Variants in SENP5 observed in about 807,000 individuals in gnomAD.
SENP5 encodes the protein sentrin-specific protease 5.
In SENP5, 21 loss-of-function variants were observed where a neutral mutation model predicts 74.2. The ratio of observed to expected loss-of-function variants is 0.28; its 90% CI spans 0.20 to 0.41. The LOEUF (loss-of-function observed/expected upper bound fraction) is 0.41, where lower values mean the gene tolerates loss of function less well. Ranked by LOEUF, SENP5 falls within the 10% of genes least tolerant of loss-of-function variation. SENP5 has a pLI of 1.00. For synonymous variants in SENP5, 311 were observed against 312.7 expected (o/e 0.99, Z 0.06); for missense variants, 717 against 889.1 (o/e 0.81, Z 2.46).
Position 196,886,348 on chromosome 3 carries a change from A to G in SENP5, c.1167A>G (p.Glu389=), listed in dbSNP as rs769119354. ...EHRSNTMFIS[E]TEREIMTLGQ... ...GTTCTAATACCATGTTCATTTCAGA[A>G]ACTGAAAGAGAAATTATGACTCTGG... is the stretch of plus-strand genomic sequence containing the variant. Residue 389 remains glutamate (E), a synonymous_variant, in exon 2 of 10, where the codon GAA becomes GAG. Coordinates refer to ENST00000323460, the MANE Select transcript of SENP5 (RefSeq NM_152699.5). 7 of 1,613,560 alleles carry G rather than the reference A, an allele frequency of 4.3e-6. No homozygotes were observed. In the South Asian group the frequency reaches 5.5e-5, roughly 13 times the overall value.
intron 2 of SENP5, among the ~76,000 whole-genome samples, chr3:196,890,687 C>G (rs1560145851): frequency 6.6e-6 from 1 of 152,170 alleles, no homozygotes. Context: ...AAGTTCTAAC[C>G]TCTATGTCAT....
intron 1 of SENP5, among the ~76,000 whole-genome samples, chr3:196,879,478 A>G (rs181632303): frequency 2.6e-5 from 4 of 152,268 alleles, no homozygotes; most frequent in Admixed American, 2.6e-4. Flanking sequence ...CACTTTAGAA[A>G]TTCTATCAGG....
Position 196,885,080 on chromosome 3 carries a change from T to G in SENP5, c.-31-71T>G, listed in dbSNP as rs190289168. ...TCTTTTTTTTTCTCAATTTTCTGCC[T>G]TAGTTACTGTGAATATGTCTTCATG... On this transcript the variant is annotated intron_variant, in intron 1 of 9. Transcript: ENST00000323460. 2.9e-5 allele frequency: 25 copies of G among 847,826 alleles called. No individual in the cohort carries two copies. The East Asian group carries it at 4.7e-4, about 16-fold the overall frequency. The allele number at this position is 847,826 out of a possible 1,614,324, so 52.5% of individuals were successfully genotyped here. A position where few individuals can be genotyped will look rare whatever the true frequency, so the allele number is the denominator to read the frequency against.
At chr3:196,871,085 G>A (rs1014987777) in intron 1 of SENP5, among the ~76,000 whole-genome samples, 1 of 151,802 alleles carries the variant, frequency 6.6e-6, no homozygotes, top group East Asian at 2.0e-4. Context: ...CAGGAGAATC[G>A]TTTGAACCCA....
In SENP5 at chr3:196,928,856, A is replaced by G. The variant is rs536547656; in HGVS notation, c.2107-777A>G. Among the ~76,000 whole-genome samples the G allele has an allele frequency of 5.9e-5, 9 of 152,340 alleles. No individual in the cohort carries two copies. The South Asian group carries it at 1.9e-3, about 32-fold the overall frequency. ...TCTAAATTTAGTCAGGATCTTCTGTATTACCGCTTTGAGCAGAATACAGTA... is the reference window on the plus strand; with the variant it reads ...TCTAAATTTAGTCAGGATCTTCTGTGTTACCGCTTTGAGCAGAATACAGTA... On this transcript the variant is annotated intron_variant, in intron 8 of 9. Coordinates refer to ENST00000323460, the MANE Select transcript of SENP5 (RefSeq NM_152699.5).
chr3:196,917,195 A>C (rs1715415506), intron 6 of SENP5, among the ~76,000 whole-genome samples: 3 of 151,982 alleles, frequency 2.0e-5, no homozygotes, highest in African/African-American at 7.2e-5. Context: ...TTCAGTTGAC[A>C]AACTAGAAAA....
intron 6 of SENP5, chr3:196,914,273 TTAAACTTAA>T (rs1715259312): frequency 6.6e-6 from 1 of 152,042 alleles, no homozygotes; most frequent in African/African-American, 2.4e-5. Context: ...TGTGTTTCAA[TTAAACTTAA>T]TAAAAACTGG....
intron 2 of SENP5, among the ~76,000 whole-genome samples, chr3:196,889,302 A>G (rs1299355640): frequency 2.6e-5 from 4 of 152,166 alleles, no homozygotes; most frequent in Non-Finnish European, 4.4e-5. Flanking sequence ...GAAAAGAATT[A>G]GCATTTACCC....
chr3:196,892,507 A>T (rs760488171), intron 2 of SENP5, among the ~76,000 whole-genome samples: 4 of 152,134 alleles, frequency 2.6e-5, no homozygotes, highest in African/African-American at 4.8e-5. Flanking sequence ...TGATGTTTTG[A>T]TATATGTTTA....
chr3:196,880,805 T>C (rs1577796741), intron 1 of SENP5, among the ~76,000 whole-genome samples: 1 of 152,006 alleles, frequency 6.6e-6, no homozygotes, highest in South Asian at 2.1e-4. Context: ...CGTGCCCGGC[T>C]AATGTTTGTA....
chr3:196,875,816 A>C (rs998453228), intron 1 of SENP5, among the ~76,000 whole-genome samples: 2 of 151,876 alleles, frequency 1.3e-5, no homozygotes, highest in Admixed American at 6.6e-5. Context: ...TGAAACTTTG[A>C]CCTCCCATGC....
At chr3:196,890,216 G>GA (rs1714144398) in intron 2 of SENP5, among the ~76,000 whole-genome samples, 1 of 152,148 alleles carries the variant, frequency 6.6e-6, no homozygotes, top group East Asian at 1.9e-4. Context: ...CCAACACAAT[G>GA]AAATAGACAA....
In SENP5 at chr3:196,924,153, T is replaced by G. The variant is rs987026411; in HGVS notation, c.2022+602T>G. 2.6e-5 allele frequency among the ~76,000 whole-genome samples: 4 copies of G among 152,308 alleles called. No individual in the cohort carries two copies. In the East Asian group the frequency reaches 7.7e-4, roughly 29 times the overall value. On this transcript the variant is annotated intron_variant, in intron 7 of 9. Coordinates refer to ENST00000323460, the MANE Select transcript of SENP5 (RefSeq NM_152699.5). ...CTTAAAAGAAATCTGTACAAAACTG[T>G]AAAAGTATTTGAATGAAATATGGAA...
intron 8 of SENP5, 87 bp downstream of exon 8, chr3:196,927,966 A>G (rs968445359): frequency 3.2e-5 from 25 of 769,618 alleles, no homozygotes; most frequent in Non-Finnish European, 5.0e-5. Flanking sequence ...TTTGAAGACT[A>G]GTGACAGAGA....
At position 196,930,931 on chromosome 3, in the gene SENP5, C is replaced by T. The variant is rs1351175871; in HGVS notation, c.*8C>T. ...TGCCGGCTCATGGACTGAAACTCAGCAGGGACTCTGGGAAGTCTGACCAAG... is the reference window on the plus strand; with the variant it reads ...TGCCGGCTCATGGACTGAAACTCAGTAGGGACTCTGGGAAGTCTGACCAAG... On this transcript the variant is annotated 3_prime_UTR_variant, in exon 10 of 10. Transcript: ENST00000323460. The T allele has an allele frequency of 1.3e-6, 2 of 1,582,266 alleles. No homozygotes were observed. Among genetic ancestry groups the T allele is most frequent in the East Asian group, 4.5e-5 (2 of 44,740 alleles).
At chr3:196,879,911 T>G (rs1435602032) in intron 1 of SENP5, among the ~76,000 whole-genome samples, 4 of 152,196 alleles carry the variant, frequency 2.6e-5, no homozygotes, top group Non-Finnish European at 5.9e-5. Flanking sequence ...TTTTTCTATA[T>G]GCTTCACCTA....
chr3:196,898,638 G>A (rs1460416632), intron 2 of SENP5, among the ~76,000 whole-genome samples: 4 of 151,992 alleles, frequency 2.6e-5, no homozygotes, highest in Non-Finnish European at 5.9e-5. Flanking sequence ...TCACTAGCTG[G>A]GTGTGGTGGC....
intron 1 of SENP5, 93 bp downstream of exon 1, chr3:196,868,166 G>C (rs1024583970): frequency 6.6e-6 from 1 of 152,276 alleles, no homozygotes; most frequent in Non-Finnish European, 1.5e-5. Flanking sequence ...CCACCTCAGC[G>C]CCCGGTCCGG....
intron 1 of SENP5, among the ~76,000 whole-genome samples, chr3:196,868,482 C>T (rs995672148): frequency 2.6e-5 from 4 of 152,264 alleles, no homozygotes; most frequent in African/African-American, 9.6e-5. Flanking sequence ...TCCTCGCGCT[C>T]CCCGGGACCC....
Sources: gnomAD v4.1 joint callset for allele counts (sites outside exome capture counted in the v4.1 genomes callset) on GRCh38, gnomAD v4.1.1 for gene constraint, MANE v1.5 for transcripts, NCBI Gene and HGNC (gene_info 2026-07-23, HGNC 2026-07-21) for gene names.